The following OSBPL1A variants were observed in gnomAD, a reference collection of about 807,000 sequenced individuals.
The protein encoded by OSBPL1A is oxysterol binding protein like 1A.
A neutral mutation model predicts 137.1 loss-of-function variants in OSBPL1A; 80 were observed. That is an observed-to-expected ratio of 0.58 (90% CI 0.49 to 0.70). The LOEUF is 0.70. OSBPL1A is among the 30% of genes least tolerant of loss of function. The probability of loss-of-function intolerance (pLI) is 0.00; values close to 1 mark genes in which losing one functional copy is unlikely to be tolerated. For missense variants in OSBPL1A, 970 were observed against 1,129.4 expected, an observed-to-expected ratio of 0.86 and a Z score of 2.02; for synonymous variants, 365 against 389.7, an observed-to-expected ratio of 0.94 and a Z score of 0.75.
At chr18:24,327,256 C>T (rs554937547) in intron 7 of OSBPL1A, among the ~76,000 whole-genome samples, 8 of 151,536 alleles carry the variant, frequency 5.3e-5, no homozygotes, top group Admixed American at 1.3e-4. Context: ...TACAGGCGTG[C>T]TCCACCATGC....
intron 18 of OSBPL1A, among the ~76,000 whole-genome samples, chr18:24,189,891 C>G (rs912643293): frequency 6.6e-6 from 1 of 152,194 alleles, no homozygotes; most frequent in East Asian, 1.9e-4. Flanking sequence ...GTGAAAGACA[C>G]GCAGGCAGAA....
chr18:24,271,972 G>A lies in OSBPL1A; in HGVS notation c.1281+8870C>T. On this transcript the variant is annotated intron_variant, in intron 15 of 27. Transcript: ENST00000319481. The surrounding 1 kb of genome is among the most constrained non-coding windows in gnomAD (Gnocchi z 4.0). ...GCAGACCCGCCCTCCGGGGCTCGCGGGGAGAGCGCGGGCGGGCGGCGGCAA... is the reference window on the plus strand; with the variant it reads ...GCAGACCCGCCCTCCGGGGCTCGCGAGGAGAGCGCGGGCGGGCGGCGGCAA... 1.0e-6 allele frequency: 1 copy of A among 982,052 alleles called. No individual in the cohort carries two copies. The highest frequency in any genetic ancestry group is 1.2e-6 in the Non-Finnish European group (1 of 828,788). The allele number at this position is 982,052 out of a possible 1,614,324, so 60.8% of individuals were successfully genotyped here.
In OSBPL1A at chr18:24,188,725, C is replaced by T. The variant is rs540281980; in HGVS notation, c.1677+7400G>A. On this transcript the variant is annotated intron_variant, in intron 18 of 27. Coordinates refer to ENST00000319481, the MANE Select transcript of OSBPL1A (RefSeq NM_080597.4). ...AACTTACTTGCAATTGTATTGCCTC[C>T]ATCATCTGTAATTATTTTTAAATAA... Among the ~76,000 whole-genome samples the T allele has an allele frequency of 2.0e-5, 3 of 152,248 alleles. No individual in the cohort carries two copies. In the East Asian group the frequency reaches 5.8e-4, roughly 29 times the overall value.
chr18:24,228,859 A>G (rs1323625453), intron 16 of OSBPL1A, among the ~76,000 whole-genome samples: 1 of 152,210 alleles, frequency 6.6e-6, no homozygotes, highest in Admixed American at 6.5e-5. Flanking sequence ...GAACGGGCAG[A>G]CATGAGACTG....
intron 17 of OSBPL1A, among the ~76,000 whole-genome samples, chr18:24,211,783 G>A (rs994656702): frequency 1.3e-5 from 2 of 151,966 alleles, no homozygotes; most frequent in Non-Finnish European, 2.9e-5. Context: ...GGCCAATATG[G>A]TGAAACTTTG....
At chr18:24,309,825 T>A (rs1403255251) in intron 13 of OSBPL1A, among the ~76,000 whole-genome samples, 2 of 151,860 alleles carry the variant, frequency 1.3e-5, no homozygotes, top group Non-Finnish European at 2.9e-5. Flanking sequence ...AGCGGGAGGA[T>A]CACTTGAGGT....
intron 21 of OSBPL1A, among the ~76,000 whole-genome samples, chr18:24,174,808 C>G (rs2086381281): frequency 6.6e-6 from 1 of 151,614 alleles, no homozygotes; most frequent in Admixed American, 6.6e-5. Context: ...AGGTCTTATT[C>G]TACTACCTAG....
intron 15 of OSBPL1A, among the ~76,000 whole-genome samples, chr18:24,267,436 T>C (rs977507606): frequency 6.6e-6 from 1 of 152,122 alleles, no homozygotes; most frequent in Non-Finnish European, 1.5e-5. Flanking sequence ...ATGAGGTCAG[T>C]ATAACCTTGA....
At chr18:24,322,255 G>A (rs1264417292) in intron 7 of OSBPL1A, among the ~76,000 whole-genome samples, 7 of 150,704 alleles carry the variant, frequency 4.6e-5, no homozygotes, top group East Asian at 3.9e-4. Context: ...GACTACAGGC[G>A]CCCACCATCA....
At chr18:24,304,223 A>G (rs2090458617) in intron 13 of OSBPL1A, among the ~76,000 whole-genome samples, 1 of 152,242 alleles carries the variant, frequency 6.6e-6, no homozygotes, top group Non-Finnish European at 1.5e-5. Context: ...CAAACCAAAA[A>G]GGACATTTTC....
intron 7 of OSBPL1A, among the ~76,000 whole-genome samples, chr18:24,330,676 G>A (rs1354440542): frequency 2.6e-5 from 4 of 151,982 alleles, no homozygotes; most frequent in Non-Finnish European, 4.4e-5. Context: ...CACCCGCCTC[G>A]GCCTCCCAAA....
chr18:24,350,798 G>A (rs1315079914), intron 4 of OSBPL1A, among the ~76,000 whole-genome samples: 2 of 152,012 alleles, frequency 1.3e-5, no homozygotes, highest in African/African-American at 4.8e-5. Flanking sequence ...CAAATACAAA[G>A]GTAAGAGGTA....
At chr18:24,197,766 C>G (rs1002971821) in intron 17 of OSBPL1A, among the ~76,000 whole-genome samples, 1 of 147,624 alleles carries the variant, frequency 6.8e-6, no homozygotes, top group African/African-American at 2.5e-5. Context: ...AATTTTCCAT[C>G]TATTTTGTTC....
At chr18:24,356,133 G>A (rs1411132526) in intron 4 of OSBPL1A, among the ~76,000 whole-genome samples, 3 of 151,958 alleles carry the variant, frequency 2.0e-5, no homozygotes, top group East Asian at 1.9e-4. Flanking sequence ...CTGAGATCGC[G>A]CCACTGCATT....
chr18:24,292,205 C>G (rs999022154), intron 14 of OSBPL1A, among the ~76,000 whole-genome samples: 11 of 152,194 alleles, frequency 7.2e-5, no homozygotes, highest in Non-Finnish European at 1.6e-4. Context: ...AGAAATTCTT[C>G]TACTCACAGA....
chr18:24,349,245 T>C (rs184335127), intron 4 of OSBPL1A, among the ~76,000 whole-genome samples: 165 of 151,888 alleles, frequency 1.1e-3, no homozygotes, highest in African/African-American at 3.8e-3. Flanking sequence ...TATGAATCAA[T>C]AGCCAATTAC....
chr18:24,336,362 T>C (rs2091173856), intron 5 of OSBPL1A, among the ~76,000 whole-genome samples: 1 of 152,188 alleles, frequency 6.6e-6, no homozygotes. Flanking sequence ...GAAAATACTA[T>C]ATATGTTCTT....
At chr18:24,211,329 G>A (rs181375727) in intron 17 of OSBPL1A, among the ~76,000 whole-genome samples, 3 of 152,168 alleles carry the variant, frequency 2.0e-5, no homozygotes, top group Admixed American at 2.0e-4. Context: ...TAGAAGAGTA[G>A]CACTGTTTTA....
chr18:24,325,476 A>G (rs1460012966), intron 7 of OSBPL1A, among the ~76,000 whole-genome samples: 1 of 152,174 alleles, frequency 6.6e-6, no homozygotes. Flanking sequence ...CTTCTGCCAG[A>G]CTTCCTCAGG....
Sources: gnomAD v4.1 joint callset for allele counts (sites outside exome capture counted in the v4.1 genomes callset) on GRCh38, gnomAD v4.1.1 for gene constraint, Gnocchi (gnomAD v3.1) non-coding constraint, MANE v1.5 for transcripts, NCBI Gene and HGNC (gene_info 2026-07-23, HGNC 2026-07-21) for gene names.